The following IGF2BP2 variants were observed in gnomAD, a reference collection of about 807,000 sequenced individuals.
IGF2BP2 encodes the protein insulin-like growth factor 2 mRNA-binding protein 2.
In IGF2BP2, 17 loss-of-function variants were observed where a neutral mutation model predicts 75.8. The ratio of observed to expected loss-of-function variants is 0.22; its 90% CI spans 0.15 to 0.34. IGF2BP2 has a LOEUF of 0.34. IGF2BP2 is among the 10% of genes least tolerant of loss of function. The pLI, the probability that IGF2BP2 is intolerant of heterozygous loss-of-function variation, is 1.00. For synonymous variants in IGF2BP2, 288 were observed against 295.6 expected, an observed-to-expected ratio of 0.97 and a Z score of 0.26; for missense variants, 516 against 772.4, an observed-to-expected ratio of 0.67 and a Z score of 3.93.
rs377067561 is a variant in IGF2BP2 at position 185,699,008 on chromosome 3, G to C, written c.240-661C>G. On this transcript the variant is annotated intron_variant, in intron 2 of 15. Transcript: ENST00000382199. ...TTTTGCATTTTTAGTAGAGATGGGA[G>C]TTCAACATGTTGGCCAGGCTGGTCT... Among the ~76,000 whole-genome samples, 6 of 151,988 alleles carry C rather than the reference G, an allele frequency of 3.9e-5. No individual in the cohort carries two copies. In the East Asian group the frequency reaches 7.7e-4, roughly 20 times the overall value.
intron 2 of IGF2BP2, among the ~76,000 whole-genome samples, chr3:185,811,877 T>TCTCC (rs1553897483): frequency 8.3e-4 from 40 of 48,008 alleles, no homozygotes; most frequent in African/African-American, 3.4e-3. Flanking sequence ...TCTCTCTCTC[T>TCTCC]CCCCCTCTCC....
intron 2 of IGF2BP2, among the ~76,000 whole-genome samples, chr3:185,700,234 T>A (rs1376526564): frequency 2.0e-5 from 3 of 151,966 alleles, no homozygotes; most frequent in Non-Finnish European, 4.4e-5. Context: ...GGTACAGAGA[T>A]GGAAACAAAT....
At chr3:185,804,121 G>T (rs746442896) in intron 2 of IGF2BP2, among the ~76,000 whole-genome samples, 2 of 152,222 alleles carry the variant, frequency 1.3e-5, no homozygotes, top group Non-Finnish European at 2.9e-5. Flanking sequence ...GCCAGGCGTG[G>T]TGGCATGTGC....
At chr3:185,657,091 T>C (rs183466140) in intron 12 of IGF2BP2, among the ~76,000 whole-genome samples, 195 bp downstream of exon 12, 287 of 152,220 alleles carry the variant, frequency 1.9e-3, no homozygotes, top group Non-Finnish European at 3.5e-3. Context: ...TCTAATTCAG[T>C]GGTTAGCTGA....
intron 2 of IGF2BP2, among the ~76,000 whole-genome samples, chr3:185,729,265 G>A (rs889705286): frequency 2.6e-5 from 4 of 152,142 alleles, no homozygotes; most frequent in Admixed American, 6.5e-5. Flanking sequence ...AGCTGAAATG[G>A]CCACTTTCTT....
intron 2 of IGF2BP2, among the ~76,000 whole-genome samples, chr3:185,760,350 T>A (rs1440908856): frequency 6.6e-6 from 1 of 152,218 alleles, no homozygotes; most frequent in Non-Finnish European, 1.5e-5. Context: ...TGTTACTCTC[T>A]TTTGTAATTG....
chr3:185,685,695 C>T (rs1356059301), intron 7 of IGF2BP2, among the ~76,000 whole-genome samples: 1 of 152,172 alleles, frequency 6.6e-6, no homozygotes, highest in Non-Finnish European at 1.5e-5. Flanking sequence ...GTCACCCAAG[C>T]TGGAGTGTGG....
In IGF2BP2 at chr3:185,675,892, T is replaced by A; in HGVS notation, c.834A>T (p.Lys278Asn). Residue 278 changes from lysine (K) to asparagine (N), a missense_variant, in exon 8 of 16, where the codon AAA (lysine) becomes AAT (asparagine). Physicochemically the swap from Lys to Asn is moderately conservative, Grantham distance 94 (BLOSUM62 0). This residue lies in a region of IGF2BP2 where 312 missense variants were observed against 474.5 expected (regional missense o/e 0.66). Coordinates refer to ENST00000382199, the MANE Select transcript of IGF2BP2 (RefSeq NM_006548.6). ...ETKLAEEIPL[K>N]ILAHNGLVGR... ...CAACCAAGCCATTGTGTGCCAAGAT[T>A]TTCAGAGGAATCTCTTCGGCTCTAA... 1 of 1,614,070 alleles carries A rather than the reference T, an allele frequency of 6.2e-7. No individual in the cohort carries two copies. The highest frequency in any genetic ancestry group is 8.5e-7 in the Non-Finnish European group (1 of 1,179,964).
rs560099682 is a variant in IGF2BP2, at chr3:185,703,444, TG to T, written c.240-5098del. 1.3e-4 allele frequency among the ~76,000 whole-genome samples: 20 copies of T among 152,182 alleles called. No individual in the cohort carries two copies. The East Asian group carries it at 3.9e-3, about 29-fold the overall frequency. ...TGCTTAAAGTAAGGAGGCAATCAGC[TG>T]GGGAAATAAAATCATATTTAACTAT... On this transcript the variant is annotated intron_variant, in intron 2 of 15. Coordinates refer to ENST00000382199, the MANE Select transcript of IGF2BP2 (RefSeq NM_006548.6).
chr3:185,815,431 G>C (rs1273202484), intron 2 of IGF2BP2, among the ~76,000 whole-genome samples: 1 of 152,202 alleles, frequency 6.6e-6, no homozygotes, highest in Non-Finnish European at 1.5e-5. Flanking sequence ...GTATTCAAAT[G>C]AGATGGACAA....
intron 7 of IGF2BP2, among the ~76,000 whole-genome samples, chr3:185,677,526 C>T (rs1181154872): frequency 6.6e-6 from 1 of 151,960 alleles, no homozygotes; most frequent in Non-Finnish European, 1.5e-5. Context: ...TTCAAATGCC[C>T]AAATCCCAAC....
At chr3:185,730,375 C>T (rs1005900939) in intron 2 of IGF2BP2, among the ~76,000 whole-genome samples, 2 of 151,538 alleles carry the variant, frequency 1.3e-5, no homozygotes, top group African/African-American at 4.9e-5. Flanking sequence ...CAGGTTGATT[C>T]CACGACTTTG....
intron 2 of IGF2BP2, among the ~76,000 whole-genome samples, chr3:185,759,527 G>GA (rs1307738775): frequency 6.6e-6 from 1 of 152,174 alleles, no homozygotes; most frequent in African/African-American, 2.4e-5. Flanking sequence ...TGTAAAGGGC[G>GA]AAACTACGCT....
intron 2 of IGF2BP2, among the ~76,000 whole-genome samples, chr3:185,746,674 C>T (rs772240365): frequency 2.6e-5 from 4 of 152,166 alleles, no homozygotes; most frequent in African/African-American, 4.8e-5. Flanking sequence ...AAAGTGGGGA[C>T]AAAGCCAACA....
intron 2 of IGF2BP2, among the ~76,000 whole-genome samples, chr3:185,789,564 C>A (rs988959238): frequency 1.3e-5 from 2 of 151,896 alleles, no homozygotes; most frequent in African/African-American, 4.8e-5. Context: ...GAGGAGAGCA[C>A]GGAGCCACAT....
intron 2 of IGF2BP2, among the ~76,000 whole-genome samples, chr3:185,793,681 G>A (rs1736938562): frequency 6.6e-6 from 1 of 152,130 alleles, no homozygotes; most frequent in South Asian, 2.1e-4. Flanking sequence ...AACTTGAGAG[G>A]AACAGTTACG....
chr3:185,779,031 C>T (rs1292256673), intron 2 of IGF2BP2, among the ~76,000 whole-genome samples: 1 of 151,578 alleles, frequency 6.6e-6, no homozygotes, highest in African/African-American at 2.4e-5. Flanking sequence ...AAAAGGAAGG[C>T]TGAGGGTGAT....
chr3:185,677,068 T>TATATATATATAGAGAGAG, intron 7 of IGF2BP2, among the ~76,000 whole-genome samples: 47 of 35,846 alleles, frequency 1.3e-3, no homozygotes, highest in African/African-American at 3.8e-3. Flanking sequence ...TATATATATA[T>TATATATATATAGAGAGAG]AGAGAGAGAG....
At chr3:185,792,539 G>A (rs1736792578) in intron 2 of IGF2BP2, among the ~76,000 whole-genome samples, 1 of 152,060 alleles carries the variant, frequency 6.6e-6, no homozygotes. Flanking sequence ...GCCAAGGCGG[G>A]TGGATCACGA....
Sources: gnomAD v4.1 joint callset for allele counts (sites outside exome capture counted in the v4.1 genomes callset) on GRCh38, gnomAD v4.1.1 for gene constraint, gnomAD v4.1.1 regional missense constraint, MANE v1.5 for transcripts, NCBI Gene and HGNC (gene_info 2026-07-23, HGNC 2026-07-21) for gene names.